The following PHACTR1 variants were observed in gnomAD, a reference collection of about 807,000 sequenced individuals.
PHACTR1 encodes the protein phosphatase and actin regulator 1.
In PHACTR1, 16 loss-of-function variants were observed where a neutral mutation model predicts 69.2. The ratio of observed to expected loss-of-function variants is 0.23; its 90% CI spans 0.16 to 0.35. PHACTR1 has a LOEUF of 0.35. PHACTR1 is among the 10% of genes least tolerant of loss of function. PHACTR1 has a pLI of 1.00. For missense variants in PHACTR1, 510 were observed against 734.7 expected, an observed-to-expected ratio of 0.69 and a Z score of 3.54; for synonymous variants, 312 against 284.5, an observed-to-expected ratio of 1.10 and a Z score of -0.97.
At chr6:13,137,553 T>C (rs977540892) in intron 5 of PHACTR1, among the ~76,000 whole-genome samples, 7 of 152,258 alleles carry the variant, frequency 4.6e-5, no homozygotes, top group Admixed American at 1.3e-4. Context: ...CTGTCCTCTG[T>C]TATCTAAAAT....
At chr6:12,965,787 A>T (rs1793407655) in intron 4 of PHACTR1, among the ~76,000 whole-genome samples, 1 of 152,180 alleles carries the variant, frequency 6.6e-6, no homozygotes, top group Admixed American at 6.5e-5. Context: ...TTCAGTATTC[A>T]CTACTTCAGT....
intron 4 of PHACTR1, among the ~76,000 whole-genome samples, chr6:13,034,694 G>A (rs954620705): frequency 2.6e-5 from 4 of 152,144 alleles, no homozygotes; most frequent in Admixed American, 1.3e-4. Context: ...TTCTATATTT[G>A]CAAATAAAGA....
chr6:12,880,985 G>A lies in PHACTR1; in HGVS notation c.250+131195G>A, dbSNP rs904759025. Among the ~76,000 whole-genome samples, 7 of 152,296 alleles carry A rather than the reference G, an allele frequency of 4.6e-5. 1 individual carries two copies. In the East Asian group the frequency reaches 1.4e-3, roughly 29 times the overall value. ...GCGTAGTGAAGGTCATTATCTAAGG[G>A]GGATATTGAGCCTCAGTTTCTTCAT... On this transcript the variant is annotated intron_variant, in intron 4 of 14. Coordinates refer to ENST00000332995, the MANE Select transcript of PHACTR1 (RefSeq NM_030948.6).
At chr6:13,286,248 C>CT in intron 14 of PHACTR1, 26 bp downstream of exon 14, 7 of 1,511,348 alleles carry the variant, frequency 4.6e-6, no homozygotes, top group East Asian at 2.4e-5. Context: ...TTTTTTTTTC[C>CT]TTTTTTTCCC....
At chr6:12,997,688 C>G (rs1473279611) in intron 4 of PHACTR1, among the ~76,000 whole-genome samples, 2 of 152,166 alleles carry the variant, frequency 1.3e-5, no homozygotes, top group African/African-American at 2.4e-5. Context: ...GGAACGGTGG[C>G]TCACGCCTGT....
chr6:12,851,284 A>G (rs1779799972), intron 4 of PHACTR1, among the ~76,000 whole-genome samples: 1 of 152,282 alleles, frequency 6.6e-6, no homozygotes, highest in East Asian at 1.9e-4. Flanking sequence ...AGTTCAAGGG[A>G]GGCTTGGGAA....
chr6:13,196,328 C>A (rs998168115), intron 7 of PHACTR1, among the ~76,000 whole-genome samples: 1 of 151,884 alleles, frequency 6.6e-6, no homozygotes, highest in Non-Finnish European at 1.5e-5. Context: ...GGTAAAGAGA[C>A]AAAATCCCAG....
chr6:13,072,458 A>G (rs909372175), intron 5 of PHACTR1, among the ~76,000 whole-genome samples: 1 of 142,114 alleles, frequency 7.0e-6, no homozygotes, highest in African/African-American at 2.5e-5. Flanking sequence ...ACAGTCTTAT[A>G]CATTATGATC....
chr6:13,198,585 A>G (rs1324513807), intron 7 of PHACTR1, among the ~76,000 whole-genome samples: 2 of 152,060 alleles, frequency 1.3e-5, no homozygotes, highest in East Asian at 3.9e-4. Flanking sequence ...CTTGGGCTAC[A>G]CATAAAATAT....
intron 4 of PHACTR1, among the ~76,000 whole-genome samples, chr6:13,005,754 A>G (rs568724130): frequency 2.0e-5 from 3 of 152,266 alleles, no homozygotes; most frequent in African/African-American, 7.2e-5. Context: ...ATTCGACGTC[A>G]TATTTCCCAT....
At chr6:13,212,982 G>C (rs143713093) in intron 8 of PHACTR1, among the ~76,000 whole-genome samples, 2 of 152,086 alleles carry the variant, frequency 1.3e-5, no homozygotes, top group Non-Finnish European at 2.9e-5. Flanking sequence ...CCTTTCATTC[G>C]GTTTGTTGCT....
intron 4 of PHACTR1, among the ~76,000 whole-genome samples, chr6:13,010,400 T>G (rs898851266): frequency 6.6e-6 from 1 of 152,206 alleles, no homozygotes; most frequent in Non-Finnish European, 1.5e-5. Flanking sequence ...AGTGCTGGGA[T>G]TACAGGCGTG....
intron 5 of PHACTR1, among the ~76,000 whole-genome samples, chr6:13,066,696 T>G (rs1173116851): frequency 6.6e-6 from 1 of 152,146 alleles, no homozygotes; most frequent in Non-Finnish European, 1.5e-5. Flanking sequence ...TCATGCATTT[T>G]CAGGTGGATT....
At chr6:13,014,013 A>T (rs1377691435) in intron 4 of PHACTR1, among the ~76,000 whole-genome samples, 1 of 152,058 alleles carries the variant, frequency 6.6e-6, no homozygotes, top group Non-Finnish European at 1.5e-5. Flanking sequence ...TTTGCTGAGG[A>T]TGAAGCCCCT....
intron 6 of PHACTR1, among the ~76,000 whole-genome samples, chr6:13,161,203 TC>T (rs1315658212): frequency 6.6e-6 from 1 of 152,142 alleles, no homozygotes; most frequent in African/African-American, 2.4e-5. Context: ...GGTCTCAAAC[TC>T]CTGGGCTCAA....
chr6:13,271,682 C>A (rs1460954146), intron 10 of PHACTR1, among the ~76,000 whole-genome samples: 2 of 151,612 alleles, frequency 1.3e-5, no homozygotes, highest in Non-Finnish European at 2.9e-5. Context: ...TAATTTTAGA[C>A]TATTGTTTTT....
chr6:12,739,140 T>G (rs1176885929), intron 3 of PHACTR1, among the ~76,000 whole-genome samples: 2 of 152,182 alleles, frequency 1.3e-5, no homozygotes, highest in African/African-American at 4.8e-5. Flanking sequence ...CAAGACATAG[T>G]AAGGCTTAAC....
rs146304779 is a variant in PHACTR1, at chr6:13,025,529, T to C, written c.251-27836T>C. Among the ~76,000 whole-genome samples the C allele has an allele frequency of 1.3e-3, 197 of 152,338 alleles. 1 individual carries two copies. Among genetic ancestry groups the C allele is most frequent in the African/African-American group, 4.5e-3 (189 of 41,574 alleles). On this transcript the variant is annotated intron_variant, in intron 4 of 14. Coordinates refer to ENST00000332995, the MANE Select transcript of PHACTR1 (RefSeq NM_030948.6). The stretch of plus-strand genomic sequence containing the variant: ...CATTTAGATGAGATACACTGTATTG[T>C]AGGGTGGCACTTGCATCTCTAGAAT...
chr6:13,180,349 A>G (rs947260204), intron 6 of PHACTR1, among the ~76,000 whole-genome samples: 1 of 152,192 alleles, frequency 6.6e-6, no homozygotes, highest in African/African-American at 2.4e-5. Flanking sequence ...ATTTAGCCAC[A>G]TTACTTTTAA....
Sources: gnomAD v4.1 joint callset for allele counts (sites outside exome capture counted in the v4.1 genomes callset) on GRCh38, gnomAD v4.1.1 for gene constraint, MANE v1.5 for transcripts, NCBI Gene and HGNC (gene_info 2026-07-23, HGNC 2026-07-21) for gene names.